PPFIBP1: variants seen among roughly 807,000 people sequenced by gnomAD.
PPFIBP1 encodes PPFIB scaffold protein 1.
PPFIBP1 carries 112 observed loss-of-function variants against 137.8 expected under a neutral mutation model. The ratio of observed to expected loss-of-function variants is 0.81; its 90% CI spans 0.70 to 0.95. The LOEUF (loss-of-function observed/expected upper bound fraction) is 0.95, where lower values mean the gene tolerates loss of function less well. Among genes scored for constraint, PPFIBP1 ranks in the 40% least tolerant of loss-of-function variants. PPFIBP1 has a pLI of 0.00. For synonymous variants in PPFIBP1, 378 were observed against 417.3 expected (o/e 0.91, Z 1.15); for missense variants, 1,083 against 1,196.6 (o/e 0.91, Z 1.40).
In PPFIBP1 at chr12:27,628,765, C is replaced by T. The variant is rs376247879; in HGVS notation, c.-35-4597C>T. Among the ~76,000 whole-genome samples, 58 of 152,240 alleles carry T rather than the reference C, an allele frequency of 3.8e-4. 1 individual carries two copies. The South Asian group carries it at 0.011, about 30-fold the overall frequency. ...ATTTCTAATTTCTAACAACCAACTTCTCTTTCCTAATTTTTCAAATACCAA... is the reference window on the plus strand; with the variant it reads ...ATTTCTAATTTCTAACAACCAACTTTTCTTTCCTAATTTTTCAAATACCAA... On this transcript the variant is annotated intron_variant, in intron 2 of 29. Transcript: ENST00000228425.
chr12:27,598,042 C>T lies in PPFIBP1; in HGVS notation c.-36+19803C>T, dbSNP rs145093856. Among the ~76,000 whole-genome samples, 505 of 152,024 alleles carry T rather than the reference C, an allele frequency of 3.3e-3. 18 individuals are homozygous for T. In the East Asian group the frequency reaches 0.072, roughly 22 times the overall value. On this transcript the variant is annotated intron_variant, in intron 2 of 29. Transcript: ENST00000228425. ...CTGGTGTCAAACTCCTGACCTCAGG[C>T]GATCCACCCACCTCAGCCTCCCAAA...
chr12:27,574,050 G>T (rs965276709), intron 1 of PPFIBP1, among the ~76,000 whole-genome samples: 1 of 151,580 alleles, frequency 6.6e-6, no homozygotes, highest in African/African-American at 2.4e-5. Context: ...ACTTGGTGAT[G>T]AGTAATTTAG....
chr12:27,645,986 A>G, intron 4 of PPFIBP1, 76 bp from the exon 5 acceptor site: 2 of 1,112,036 alleles, frequency 1.8e-6, no homozygotes, highest in South Asian at 2.6e-5. Flanking sequence ...GACTAAGAAC[A>G]CTTGTGATTT....
At chr12:27,619,504 C>A (rs140669557) in intron 2 of PPFIBP1, among the ~76,000 whole-genome samples, 5 of 152,072 alleles carry the variant, frequency 3.3e-5, no homozygotes, top group Admixed American at 1.3e-4. Flanking sequence ...AGGGTAATGA[C>A]TCACCCAGAA....
At chr12:27,601,812 A>G (rs1394478117) in intron 2 of PPFIBP1, among the ~76,000 whole-genome samples, 1 of 152,234 alleles carries the variant, frequency 6.6e-6, no homozygotes, top group Non-Finnish European at 1.5e-5. Context: ...TCTGCCACAC[A>G]TATAAACATT....
chr12:27,582,952 G>GT (rs988965331), intron 2 of PPFIBP1, among the ~76,000 whole-genome samples: 38 of 152,112 alleles, frequency 2.5e-4, no homozygotes, highest in Non-Finnish European at 5.0e-4. Flanking sequence ...TTTCTTGCTT[G>GT]TTGTTTGTTT....
chr12:27,589,935 T>C (rs1412750578), intron 2 of PPFIBP1, among the ~76,000 whole-genome samples: 3 of 152,226 alleles, frequency 2.0e-5, no homozygotes, highest in Non-Finnish European at 4.4e-5. Flanking sequence ...TCTCAGTTGA[T>C]AGGTTGCCAT....
At chr12:27,612,926 ACATCATCATCATCAT>A (rs71039826) in intron 2 of PPFIBP1, among the ~76,000 whole-genome samples, 3,423 of 148,992 alleles carry the variant, frequency 0.023, 95 homozygotes, top group African/African-American at 0.063. Flanking sequence ...TAGATAATAC[ACATCATCATCATCAT>A]CATCATCATC....
rs1421182250 is a variant in PPFIBP1 at position 27,695,440 on chromosome 12, T to C, written c.*2558T>C. On this transcript the variant is annotated 3_prime_UTR_variant, in exon 30 of 30. Coordinates refer to ENST00000228425, the MANE Select transcript of PPFIBP1 (RefSeq NM_003622.4). Reference sequence around the variant, plus strand: ...CGGCCCAAATATTTTTTATTCAGGATGGTATAACCTAACTGATAATAGGTA... The same window carrying C: ...CGGCCCAAATATTTTTTATTCAGGACGGTATAACCTAACTGATAATAGGTA... 1 of 152,132 alleles carries C rather than the reference T, an allele frequency of 6.6e-6. No individual in the cohort carries two copies. The highest frequency in any genetic ancestry group is 1.5e-5 in the Non-Finnish European group (1 of 68,032). 9.4% of individuals were successfully genotyped at this position (152,132 alleles called of 1,614,324 possible). A position where few individuals can be genotyped will look rare whatever the true frequency, so the allele number is the denominator to read the frequency against.
intron 2 of PPFIBP1, among the ~76,000 whole-genome samples, chr12:27,595,852 T>TCAACAACAA (rs1235600375): frequency 1.7e-4 from 21 of 126,626 alleles, no homozygotes; most frequent in South Asian, 2.7e-4. Context: ...GACACTCTGA[T>TCAACAACAA]CAACAACAAC....
chr12:27,531,302 TA>T (rs779118149), intron 1 of PPFIBP1, among the ~76,000 whole-genome samples: 2 of 152,114 alleles, frequency 1.3e-5, no homozygotes, highest in African/African-American at 4.8e-5. Flanking sequence ...AAATTATTAT[TA>T]TTTTTTTTTG....
chr12:27,605,678 G>A (rs1011109043), intron 2 of PPFIBP1, among the ~76,000 whole-genome samples: 10 of 152,102 alleles, frequency 6.6e-5, no homozygotes, highest in African/African-American at 1.9e-4. Flanking sequence ...TCAAGGAGCC[G>A]TGTGTGGCAG....
chr12:27,642,928 A>G (rs1010139197), intron 4 of PPFIBP1, among the ~76,000 whole-genome samples: 1 of 152,068 alleles, frequency 6.6e-6, no homozygotes, highest in Non-Finnish European at 1.5e-5. Flanking sequence ...AAAGAAAGGA[A>G]AGAAATAAGA....
intron 2 of PPFIBP1, among the ~76,000 whole-genome samples, chr12:27,579,627 G>T (rs1009649839): frequency 5.3e-5 from 8 of 152,104 alleles, no homozygotes; most frequent in African/African-American, 1.9e-4. Context: ...CTATTCAATT[G>T]TATACCTATT....
At chr12:27,650,213 T>C in intron 7 of PPFIBP1, 72 bp downstream of exon 7, 1 of 1,324,038 alleles carries the variant, frequency 7.6e-7, no homozygotes, top group Non-Finnish European at 1.0e-6. Flanking sequence ...CACACATACA[T>C]TCCTAGGGCA....
chr12:27,677,186 G>A lies in PPFIBP1; in HGVS notation c.1615+90G>A, dbSNP rs146159136. The A allele has an allele frequency of 4.8e-4, 705 of 1,468,212 alleles. 6 individuals are homozygous for A. In the East Asian group the frequency reaches 0.013, roughly 28 times the overall value. The allele number at this position is 1,468,212 out of a possible 1,614,324, so 90.9% of individuals were successfully genotyped here. ...TTGGCATCTGTGATCTCTAGAAAGC[G>A]ATCTGACAGCAATCAGAAAATGTAG... On this transcript the variant is annotated intron_variant, in intron 19 of 29. Transcript: ENST00000228425.
At chr12:27,613,921 C>G (rs1229496193) in intron 2 of PPFIBP1, among the ~76,000 whole-genome samples, 1 of 152,052 alleles carries the variant, frequency 6.6e-6, no homozygotes. Flanking sequence ...CCTTGCCTTC[C>G]CCACACACGT....
intron 1 of PPFIBP1, among the ~76,000 whole-genome samples, chr12:27,555,657 C>T (rs531186406): frequency 3.3e-4 from 50 of 152,234 alleles, no homozygotes; most frequent in African/African-American, 1.1e-3. Flanking sequence ...AATCACTTGG[C>T]GATGATATAG....
chr12:27,600,969 G>A (rs2053919888), intron 2 of PPFIBP1, among the ~76,000 whole-genome samples: 1 of 152,080 alleles, frequency 6.6e-6, no homozygotes, highest in Non-Finnish European at 1.5e-5. Flanking sequence ...TTTTTGTGGT[G>A]AGAACTTTTA....
Sources: gnomAD v4.1 joint callset for allele counts (sites outside exome capture counted in the v4.1 genomes callset) on GRCh38, gnomAD v4.1.1 for gene constraint, MANE v1.5 for transcripts, NCBI Gene and HGNC (gene_info 2026-07-23, HGNC 2026-07-21) for gene names.